DGKB: variants seen among roughly 807,000 people sequenced by gnomAD.
DGKB encodes the protein diacylglycerol kinase beta.
DGKB carries 67 observed loss-of-function variants against 114.3 expected under a neutral mutation model. That is an observed-to-expected ratio of 0.59 (90% CI 0.48 to 0.72). The LOEUF is 0.72. Among genes scored for constraint, DGKB ranks in the 30% least tolerant of loss-of-function variants. The probability of loss-of-function intolerance (pLI) is 0.00; values close to 1 mark genes in which losing one functional copy is unlikely to be tolerated. For missense variants in DGKB, 907 were observed against 975.2 expected, an observed-to-expected ratio of 0.93 and a Z score of 0.93; for synonymous variants, 398 against 323.1, an observed-to-expected ratio of 1.23 and a Z score of -2.49.
chr7:14,853,794 C>A (rs891751405), intron 1 of DGKB, among the ~76,000 whole-genome samples: 1 of 142,916 alleles, frequency 7.0e-6, no homozygotes, highest in South Asian at 2.2e-4. Flanking sequence ...CGTGAACCCA[C>A]GAGGCGGAGC....
chr7:14,878,864 T>A (rs1853769219), intron 1 of DGKB, among the ~76,000 whole-genome samples: 1 of 152,016 alleles, frequency 6.6e-6, no homozygotes, highest in African/African-American at 2.4e-5. Flanking sequence ...TTCTATTGAA[T>A]CCATTGCAAA....
rs546911127 is a variant in DGKB at position 14,770,119 on chromosome 7, AT to A, written c.71-12389del. ...TCTGATGCATAGCCCTAAAATCCTA[AT>A]GGAATTTTGTAAAATTGTTATGTGG... On this transcript the variant is annotated intron_variant, in intron 2 of 25. Coordinates refer to ENST00000402815, the MANE Select transcript of DGKB (RefSeq NM_001350709.2). Among the ~76,000 whole-genome samples the A allele has an allele frequency of 1.1e-3, 163 of 152,142 alleles. 2 individuals are homozygous for A. Among genetic ancestry groups the A allele is most frequent in the African/African-American group, 3.9e-3 (160 of 41,536 alleles).
chr7:14,843,198 CAG>C lies in DGKB; in HGVS notation c.-187-1750_-187-1749del, dbSNP rs1473005713. Among the ~76,000 whole-genome samples, 16 of 133,104 alleles carry C rather than the reference CAG, an allele frequency of 1.2e-4. 1 individual carries two copies. The South Asian group carries it at 3.7e-3, about 31-fold the overall frequency. The allele number at this position is 133,104 out of a possible 152,430, so 87.3% of individuals were successfully genotyped here. On this transcript the variant is annotated intron_variant, in intron 1 of 25. Transcript: ENST00000402815. ...TGCTGCTGTACTCCAGCCTGGGCAACAGAGCAAGATTCTGTCTTAAAAAAAAA... is the reference window on the plus strand; with the variant it reads ...TGCTGCTGTACTCCAGCCTGGGCAACAGCAAGATTCTGTCTTAAAAAAAAA...
intron 20 of DGKB, among the ~76,000 whole-genome samples, chr7:14,557,656 G>C (rs941975493): frequency 6.6e-6 from 1 of 151,586 alleles, no homozygotes; most frequent in Non-Finnish European, 1.5e-5. Context: ...ATTGGCTTTT[G>C]ATAGAAAATC....
At position 14,973,741 on chromosome 7, in the gene DGKB, T is replaced by C. The variant is rs143855747; in HGVS notation, c.-188+955A>G. On this transcript the variant is annotated intron_variant, in intron 1 of 4. Transcript: ENST00000437998. ...CTCTGAGATTACAGCCCATATTATATATGACGCATAACAGTCACATTGTCT... is the reference window on the plus strand; with the variant it reads ...CTCTGAGATTACAGCCCATATTATACATGACGCATAACAGTCACATTGTCT... 1.3e-3 allele frequency among the ~76,000 whole-genome samples: 197 copies of C among 149,794 alleles called. 1 individual carries two copies. Among genetic ancestry groups the C allele is most frequent in the African/African-American group, 4.4e-3 (183 of 41,224 alleles).
chr7:14,939,607 A>G (rs1785454652), intron 1 of DGKB, among the ~76,000 whole-genome samples: 2 of 150,250 alleles, frequency 1.3e-5, no homozygotes, highest in Admixed American at 1.3e-4. Context: ...AACTGCTATC[A>G]TGAAAATATA....
At chr7:14,530,828 T>C (rs17168243) in intron 20 of DGKB, among the ~76,000 whole-genome samples, 20,089 of 151,586 alleles carry the variant, frequency 0.13, 2,007 homozygotes, top group East Asian at 0.53. Flanking sequence ...AAGACAAAGA[T>C]GCTAGCAGAA....
intron 14 of DGKB, among the ~76,000 whole-genome samples, chr7:14,627,950 C>CAAAA (rs56827397): frequency 2.1e-4 from 20 of 93,578 alleles, no homozygotes; most frequent in African/African-American, 5.6e-4. Context: ...CTCAAAAAAA[C>CAAAA]AAAAAAAAAA....
chr7:14,225,344 A>C (rs1173979007), intron 23 of DGKB, among the ~76,000 whole-genome samples: 1 of 151,982 alleles, frequency 6.6e-6, no homozygotes, highest in African/African-American at 2.4e-5. Flanking sequence ...TCTTGACTAC[A>C]TATTTATTTA....
At chr7:14,484,532 T>C (rs139179004) in intron 20 of DGKB, among the ~76,000 whole-genome samples, 81 of 152,322 alleles carry the variant, frequency 5.3e-4, no homozygotes, top group Middle Eastern at 3.4e-3. Context: ...GCTATTGCCA[T>C]GTGAGGCACC....
intron 23 of DGKB, among the ~76,000 whole-genome samples, chr7:14,238,791 A>T (rs12699583): frequency 0.68 from 102,964 of 151,726 alleles, 36,091 homozygotes; most frequent in African/African-American, 0.86. Context: ...TATATCTATG[A>T]GTACCTAGTA....
chr7:14,773,647 G>A (rs1469246473), intron 2 of DGKB, among the ~76,000 whole-genome samples: 1 of 152,136 alleles, frequency 6.6e-6, no homozygotes, highest in South Asian at 2.1e-4. Context: ...CACATATATA[G>A]TAATATAATC....
intron 20 of DGKB, among the ~76,000 whole-genome samples, chr7:14,559,895 C>G (rs1796401185): frequency 6.6e-6 from 1 of 150,954 alleles, no homozygotes; most frequent in Non-Finnish European, 1.5e-5. Flanking sequence ...TTTCTTTTCT[C>G]TTCTCTTTTC....
chr7:14,786,076 CAG>C (rs547325709), intron 2 of DGKB, among the ~76,000 whole-genome samples: 19 of 151,740 alleles, frequency 1.3e-4, no homozygotes, highest in Non-Finnish European at 2.4e-4. Flanking sequence ...AGCAATTGTA[CAG>C]AGATTTCCTG....
intron 13 of DGKB, among the ~76,000 whole-genome samples, chr7:14,654,210 CA>C (rs1203300366): frequency 1.3e-5 from 2 of 151,846 alleles, no homozygotes; most frequent in South Asian, 2.1e-4. Flanking sequence ...AATTAACATA[CA>C]AAAAAATCAG....
intron 1 of DGKB, among the ~76,000 whole-genome samples, chr7:14,949,925 G>T (rs1289496800): frequency 6.6e-6 from 1 of 151,486 alleles, no homozygotes; most frequent in Non-Finnish European, 1.5e-5. Flanking sequence ...ACACAGGAAG[G>T]GAAACATCAC....
chr7:14,307,320 G>A (rs989932490), intron 23 of DGKB, among the ~76,000 whole-genome samples: 4 of 152,000 alleles, frequency 2.6e-5, no homozygotes, highest in African/African-American at 7.2e-5. Flanking sequence ...AATATTTTCC[G>A]ACTTCAATTA....
intron 21 of DGKB, among the ~76,000 whole-genome samples, chr7:14,376,355 C>G (rs1818482992): frequency 1.3e-5 from 2 of 152,166 alleles, no homozygotes; most frequent in Admixed American, 6.6e-5. Flanking sequence ...TAACCTAAAT[C>G]CATCATGCTG....
chr7:14,789,373 G>A (rs1202513137), intron 2 of DGKB, among the ~76,000 whole-genome samples: 1 of 151,904 alleles, frequency 6.6e-6, no homozygotes, highest in Non-Finnish European at 1.5e-5. Flanking sequence ...CTATAATTGT[G>A]TCTTTTCAAA....
Sources: allele counts gnomAD v4.1 joint callset (sites outside exome capture counted in the v4.1 genomes callset), GRCh38; gene constraint gnomAD v4.1.1; transcripts MANE v1.5; gene names NCBI Gene and HGNC (gene_info 2026-07-23, HGNC 2026-07-21).